Variants in FNBP1 observed in about 807,000 individuals in gnomAD.
FNBP1 encodes formin-binding protein 1.
A neutral mutation model predicts 90.6 loss-of-function variants in FNBP1; 26 were observed. The observed-to-expected ratio is 0.29, with a 90% confidence interval of 0.21 to 0.40. FNBP1 has a LOEUF of 0.40. FNBP1 is among the 10% of genes least tolerant of loss of function. The pLI is 1.00. For synonymous variants in FNBP1, 260 were observed against 265.2 expected (o/e 0.98, Z 0.19); for missense variants, 635 against 768.0 (o/e 0.83, Z 2.05).
intron 6 of FNBP1, among the ~76,000 whole-genome samples, chr9:129,943,683 G>A (rs1231325611): frequency 2.6e-5 from 4 of 152,020 alleles, no homozygotes; most frequent in Non-Finnish European, 4.4e-5. Context: ...CACTGCGCCC[G>A]GCCTAATTGC....
Position 129,888,233 on chromosome 9 carries a change from C to T in FNBP1, c.*2306G>A, listed in dbSNP as rs1487854094. On this transcript the variant is annotated 3_prime_UTR_variant, in exon 17 of 17. Transcript: ENST00000446176. ...TTGCAAGAAATGAATCTATCCTGACCCATAATATGAAAGATGTGACGCACA... is the reference window on the plus strand; with the variant it reads ...TTGCAAGAAATGAATCTATCCTGACTCATAATATGAAAGATGTGACGCACA... The T allele has an allele frequency of 8.6e-6, 2 of 232,592 alleles. No individual in the cohort carries two copies. The highest frequency in any genetic ancestry group is 5.6e-5 in the Admixed American group (1 of 17,758). 14.4% of individuals were successfully genotyped at this position (232,592 alleles called of 1,614,324 possible). A position where few individuals can be genotyped will look rare whatever the true frequency, so the allele number is the denominator to read the frequency against.
At chr9:129,969,597 A>C (rs1033733933) in intron 4 of FNBP1, among the ~76,000 whole-genome samples, 7 of 152,128 alleles carry the variant, frequency 4.6e-5, no homozygotes, top group Non-Finnish European at 8.8e-5. Flanking sequence ...AATAACTTTG[A>C]AAAAATTCCA....
intron 16 of FNBP1, among the ~76,000 whole-genome samples, chr9:129,892,061 T>C (rs965880357): frequency 5.3e-5 from 8 of 152,114 alleles, no homozygotes; most frequent in Non-Finnish European, 8.8e-5. Context: ...AGCGGGGACC[T>C]AGCTCCCCAT....
chr9:129,902,227 C>G (rs2037091273), intron 13 of FNBP1, among the ~76,000 whole-genome samples: 1 of 152,054 alleles, frequency 6.6e-6, no homozygotes, highest in Non-Finnish European at 1.5e-5. Flanking sequence ...CTTTGATTCA[C>G]TGGGATAACG....
intron 4 of FNBP1, among the ~76,000 whole-genome samples, chr9:129,960,383 CAAAAAA>C (rs10715833): frequency 1.6e-4 from 13 of 80,434 alleles, no homozygotes; most frequent in Non-Finnish European, 2.6e-4. Context: ...GACTCCATCT[CAAAAAA>C]AAAAAAAAAA....
chr9:129,969,007 C>A (rs150721482), intron 4 of FNBP1, among the ~76,000 whole-genome samples: 1 of 152,272 alleles, frequency 6.6e-6, no homozygotes, highest in Non-Finnish European at 1.5e-5. Context: ...TGTGGAAAAG[C>A]CCAGACGTAC....
intron 1 of FNBP1, among the ~76,000 whole-genome samples, chr9:130,023,112 A>G (rs921824098): frequency 5.3e-5 from 8 of 152,076 alleles, no homozygotes; most frequent in African/African-American, 1.7e-4. Context: ...GTATGCTAAC[A>G]TTTGTAAGGG....
In FNBP1 at chr9:129,929,670, T is replaced by C; in HGVS notation, c.539A>G (p.His180Arg). The change falls in exon 7 of 17, where the codon CAC becomes CGC. Residue 180 changes from histidine (H) to arginine (R), a missense_variant. Coordinates refer to ENST00000446176, the MANE Select transcript of FNBP1 (RefSeq NM_015033.3). ...TGCTTTGCTGTCCTCTGCCATTTGG[T>C]GACGTATTTGAGCTTGTTGTCGGGC... ...EKARQQAQIRHQMAEDSKADY... is the reference protein window; with the variant it reads ...EKARQQAQIRRQMAEDSKADY... 1.2e-6 allele frequency: 2 copies of C among 1,613,990 alleles called. No individual in the cohort carries two copies. The highest frequency in any genetic ancestry group is 2.2e-5 in the East Asian group (1 of 44,886).
chr9:129,954,526 G>A (rs926902648), intron 6 of FNBP1, among the ~76,000 whole-genome samples: 3 of 151,854 alleles, frequency 2.0e-5, no homozygotes, highest in South Asian at 4.1e-4. Flanking sequence ...AGTTGAATTT[G>A]TCCCAGGAAC....
intron 15 of FNBP1, among the ~76,000 whole-genome samples, chr9:129,899,278 A>T (rs1373443754): frequency 6.6e-6 from 1 of 152,048 alleles, no homozygotes; most frequent in African/African-American, 2.4e-5. Context: ...GGATTTCACC[A>T]TGTTGGCGAG....
Position 129,957,526 on chromosome 9 carries a change from C to A in FNBP1, c.409-62G>T. 8.2e-7 allele frequency: 1 copy of A among 1,222,674 alleles called. No individual in the cohort carries two copies. 75.7% of individuals were successfully genotyped at this position (1,222,674 alleles called of 1,614,324 possible). On this transcript the variant is annotated intron_variant, in intron 5 of 16. Transcript: ENST00000446176. This position sits in a 1 kb window ranked among gnomAD's most constrained non-coding sequence, Gnocchi z 4.3. Reference sequence around the variant, plus strand: ...GTCCTACGAGAAGATGTAATTTTATCTAAAGCTCCCAAAGAGCATTGTTCT... The same window carrying A: ...GTCCTACGAGAAGATGTAATTTTATATAAAGCTCCCAAAGAGCATTGTTCT...
At chr9:129,967,536 G>T (rs1304128459) in intron 4 of FNBP1, among the ~76,000 whole-genome samples, 1 of 151,878 alleles carries the variant, frequency 6.6e-6, no homozygotes, top group African/African-American at 2.4e-5. Flanking sequence ...AGTTTGTTTT[G>T]GGGTGGGCTA....
chr9:129,890,764 T>C lies in FNBP1; in HGVS notation c.1847-218A>G, dbSNP rs767423063. On this transcript the variant is annotated intron_variant, in intron 16 of 16. Coordinates refer to ENST00000446176, the MANE Select transcript of FNBP1 (RefSeq NM_015033.3). This position sits in a 1 kb window ranked among gnomAD's most constrained non-coding sequence, Gnocchi z 5.8. The stretch of plus-strand genomic sequence containing the variant: ...GGTTTTCTCTCTAGCCTTTAGCTGG[T>C]CTTTCCTTCAGAGTTAAGAGAAGCC... Among the ~76,000 whole-genome samples the C allele has an allele frequency of 6.6e-6, 1 of 152,150 alleles. No homozygotes were observed. The highest frequency in any genetic ancestry group is 1.5e-5 in the Non-Finnish European group (1 of 68,032).
chr9:129,970,627 C>A (rs1398275113), intron 4 of FNBP1, among the ~76,000 whole-genome samples: 1 of 152,082 alleles, frequency 6.6e-6, no homozygotes, highest in Non-Finnish European at 1.5e-5. Flanking sequence ...TAGTAATATT[C>A]TTTTTATATG....
At chr9:130,051,152 C>G in the FNBP1 span, among the ~76,000 whole-genome samples, 1 of 152,106 alleles carries the variant, frequency 6.6e-6, no homozygotes, top group Non-Finnish European at 1.5e-5. Flanking sequence ...CCACTGACCT[C>G]AGCCTCCCAA....
chr9:129,960,233 C>CG (rs1386819407), intron 4 of FNBP1, among the ~76,000 whole-genome samples: 1 of 151,274 alleles, frequency 6.6e-6, no homozygotes, highest in African/African-American at 2.4e-5. Context: ...AAAAACTGGC[C>CG]GGGCGTGGTG....
intron 4 of FNBP1, among the ~76,000 whole-genome samples, chr9:129,973,562 G>A (rs1207949630): frequency 1.3e-5 from 2 of 152,060 alleles, no homozygotes; most frequent in African/African-American, 2.4e-5. Flanking sequence ...GTGCAGTGGC[G>A]CGATCTCGGC....
chr9:130,028,132 A>T (rs1201015032), intron 1 of FNBP1, among the ~76,000 whole-genome samples: 1 of 152,216 alleles, frequency 6.6e-6, no homozygotes, highest in Non-Finnish European at 1.5e-5. Context: ...GATTCAAATG[A>T]AAGTGGTATA....
chr9:129,911,156 G>A (rs1053467517), intron 11 of FNBP1, among the ~76,000 whole-genome samples: 3 of 152,140 alleles, frequency 2.0e-5, no homozygotes, highest in African/African-American at 4.8e-5. Flanking sequence ...GCCACCATGC[G>A]CGGCCTCTTG....
Sources: gnomAD v4.1 joint callset for allele counts (sites outside exome capture counted in the v4.1 genomes callset) on GRCh38, gnomAD v4.1.1 for gene constraint, Gnocchi (gnomAD v3.1) non-coding constraint, MANE v1.5 for transcripts, NCBI Gene and HGNC (gene_info 2026-07-23, HGNC 2026-07-21) for gene names.